Variants in ERCC1 observed in about 807,000 individuals in gnomAD.
ERCC1 encodes DNA excision repair protein ERCC-1.
A neutral mutation model predicts 37.6 loss-of-function variants in ERCC1; 36 were observed. The observed-to-expected ratio is 0.96, with a 90% confidence interval of 0.73 to 1.26. ERCC1 has a LOEUF of 1.26. Among genes scored for constraint, ERCC1 ranks in the 50% most tolerant of loss-of-function variants. The pLI, the probability that ERCC1 is intolerant of heterozygous loss-of-function variation, is 0.00. For synonymous variants in ERCC1, 156 were observed against 162.1 expected, an observed-to-expected ratio of 0.96 and a Z score of 0.28; for missense variants, 349 against 376.5, an observed-to-expected ratio of 0.93 and a Z score of 0.60.
intron 1 of ERCC1, among the ~76,000 whole-genome samples, chr19:45,434,001 C>T (rs1974902451): frequency 6.6e-6 from 1 of 151,674 alleles, no homozygotes; most frequent in Non-Finnish European, 1.5e-5. Flanking sequence ...ATTAGTCAGG[C>T]ATGGTGGCAT....
rs141876321 is a variant in ERCC1 at position 45,413,556 on chromosome 19, G to A, written c.843+121C>T. On this transcript the variant is annotated intron_variant, in intron 9 of 9. Transcript: ENST00000300853. ...CTCCCAAAATGTTGGGATTACAGGC[G>A]GAAGCCACTGTGTCTGGTCTTTGGT... 7.5e-5 allele frequency: 121 copies of A among 1,612,922 alleles called. No homozygotes were observed. The African/African-American group carries it at 9.5e-4, about 13-fold the overall frequency.
At chr19:45,435,512 G>C (rs1974952720) in intron 1 of ERCC1, among the ~76,000 whole-genome samples, 1 of 152,140 alleles carries the variant, frequency 6.6e-6, no homozygotes, top group African/African-American at 2.4e-5. Flanking sequence ...ACGCAGGTTG[G>C]AGTGCAGTGT....
chr19:45,446,952 C>T (rs551713395), intron 1 of ERCC1, among the ~76,000 whole-genome samples: 10 of 152,042 alleles, frequency 6.6e-5, no homozygotes, highest in Middle Eastern at 3.4e-3. Flanking sequence ...GAGCCAAGAA[C>T]GCGCCATTGC....
At chr19:45,438,113 T>TG (rs1975028385) in intron 1 of ERCC1, among the ~76,000 whole-genome samples, 1 of 152,220 alleles carries the variant, frequency 6.6e-6, no homozygotes, top group Non-Finnish European at 1.5e-5. Flanking sequence ...GATTTCACCG[T>TG]GTCAGCCAGG....
At chr19:45,446,727 A>T (rs931300658) in intron 1 of ERCC1, among the ~76,000 whole-genome samples, 1 of 152,060 alleles carries the variant, frequency 6.6e-6, no homozygotes. Flanking sequence ...GGGCCGGGAG[A>T]GGTGGCTCAC....
chr19:45,423,569 C>T (rs541819632), intron 1 of ERCC1, 188 bp from the exon 2 acceptor site: 1 of 1,430,298 alleles, frequency 7.0e-7, no homozygotes, highest in South Asian at 1.5e-5. Flanking sequence ...GCTCGCCCCG[C>T]CCCTTACAGG....
chr19:45,449,352 G>A (rs1370780767), intron 1 of ERCC1: 1 of 152,148 alleles, frequency 6.6e-6, no homozygotes, highest in African/African-American at 2.4e-5. Flanking sequence ...ACCGTCTTAT[G>A]TATTCCAAAA....
chr19:45,437,913 T>C (rs1975022276), intron 1 of ERCC1, among the ~76,000 whole-genome samples: 3 of 149,644 alleles, frequency 2.0e-5, no homozygotes, highest in Admixed American at 1.3e-4. Context: ...CTCATCTGAT[T>C]TTTTTTTTTT....
chr19:45,450,334 C>T (rs190359210), intron 1 of ERCC1, among the ~76,000 whole-genome samples: 4 of 152,336 alleles, frequency 2.6e-5, no homozygotes, highest in Admixed American at 2.0e-4. Context: ...TTTTCTCTTC[C>T]TCAAGAAGGC....
intron 1 of ERCC1, among the ~76,000 whole-genome samples, chr19:45,437,388 G>T (rs1975009139): frequency 6.6e-6 from 1 of 152,036 alleles, no homozygotes; most frequent in African/African-American, 2.4e-5. Context: ...ATGTCGAAGG[G>T]TTATCTACAC....
chr19:45,423,274 C>A lies in ERCC1; in HGVS notation c.101G>T (p.Gly34Val), dbSNP rs1974550680. The A allele has an allele frequency of 5.0e-6, 8 of 1,613,138 alleles. No individual in the cohort carries two copies. The highest frequency in any genetic ancestry group is 6.8e-6 in the Non-Finnish European group (8 of 1,179,628). Residue 34 changes from glycine to valine, a missense_variant, in exon 2 of 10, where the codon GGA becomes GTA. By Grantham distance (109) the Gly-to-Val change is moderately radical. Transcript: ENST00000300853. The stretch of plus-strand genomic sequence containing the variant: ...CCCCGCATCTCCTTGTCCTACCACT[C>A]CAGGAGGGACCTCATCCTCGTCGAG... Reference protein sequence around the residue: ...IPLDEDEVPPGVAKPLFRSTQ... With the variant: ...IPLDEDEVPPVVAKPLFRSTQ...
Position 45,408,722 on chromosome 19 carries a change from A to G in ERCC1, c.*953T>C. ...AGTGCTGTTCCCGTCCACCACCAAG[A>G]AGAGGAAGAAGCCCAAAGGGAAAGA... On this transcript the variant is annotated 3_prime_UTR_variant, in exon 10 of 10. Coordinates refer to ENST00000300853, the MANE Select transcript of ERCC1 (RefSeq NM_001983.4). 6.2e-7 allele frequency: 1 copy of G among 1,613,996 alleles called. No individual in the cohort carries two copies. Among genetic ancestry groups the G allele is most frequent in the Non-Finnish European group, 8.5e-7 (1 of 1,179,974 alleles).
chr19:45,415,972 C>G (rs1385817283), intron 6 of ERCC1, among the ~76,000 whole-genome samples: 1 of 151,722 alleles, frequency 6.6e-6, no homozygotes. Context: ...GTTGTCTCCA[C>G]AAAAAATTAA....
At chr19:45,414,822 G>C (rs779113379) in intron 7 of ERCC1, 39 bp downstream of exon 7, 2 of 1,428,982 alleles carry the variant, frequency 1.4e-6, no homozygotes. Flanking sequence ...AGGAGCTGCG[G>C]GGAGGCCCAG....
chr19:45,435,386 C>T (rs897686370), intron 1 of ERCC1, among the ~76,000 whole-genome samples: 1 of 152,216 alleles, frequency 6.6e-6, no homozygotes, highest in Non-Finnish European at 1.5e-5. Flanking sequence ...GGCCACATAG[C>T]AGGTAAACAA....
intron 6 of ERCC1, among the ~76,000 whole-genome samples, chr19:45,416,106 G>A (rs1599822016): frequency 1.3e-5 from 2 of 152,162 alleles, no homozygotes; most frequent in Admixed American, 1.3e-4. Context: ...CTGCACTCCA[G>A]CCTCAGCAAA....
chr19:45,413,201 T>A (rs1973846212), intron 9 of ERCC1, among the ~76,000 whole-genome samples: 1 of 152,214 alleles, frequency 6.6e-6, no homozygotes, highest in Non-Finnish European at 1.5e-5. Context: ...TAGATTTAAG[T>A]CTGTAATCCA....
intron 1 of ERCC1, among the ~76,000 whole-genome samples, chr19:45,444,386 G>GC (rs1056355540): frequency 1.4e-5 from 2 of 143,072 alleles, no homozygotes; most frequent in East Asian, 2.3e-4. Context: ...TTCCCAGGCC[G>GC]CCCCCCCGCG....
At chr19:45,436,239 T>C (rs570003183) in intron 1 of ERCC1, among the ~76,000 whole-genome samples, 1 of 152,152 alleles carries the variant, frequency 6.6e-6, no homozygotes, top group Non-Finnish European at 1.5e-5. Flanking sequence ...TCAGAAACTC[T>C]GCCGTTAGCG....
Sources: gnomAD v4.1 joint callset for allele counts (sites outside exome capture counted in the v4.1 genomes callset) on GRCh38, gnomAD v4.1.1 for gene constraint, MANE v1.5 for transcripts, NCBI Gene and HGNC (gene_info 2026-07-23, HGNC 2026-07-21) for gene names.